The following PRKD1 variants were observed in gnomAD, a reference collection of about 807,000 sequenced individuals.
The protein encoded by PRKD1 is serine/threonine-protein kinase D1.
Under a neutral mutation model 95.9 loss-of-function variants are expected in PRKD1, and 63 were observed. The ratio of observed to expected loss-of-function variants is 0.66; its 90% CI spans 0.54 to 0.81. The LOEUF (loss-of-function observed/expected upper bound fraction) is 0.81. PRKD1 is among the 30% of genes least tolerant of loss of function. The pLI is 0.00. For synonymous variants in PRKD1, 425 were observed against 423.1 expected (o/e 1.00, Z -0.05); for missense variants, 1,048 against 1,165.3 (o/e 0.90, Z 1.47).
intron 1 of PRKD1, among the ~76,000 whole-genome samples, chr14:29,826,816 CATATATATATATATATATATAT>C (rs1173701577): frequency 3.2e-5 from 1 of 31,160 alleles, no homozygotes; most frequent in African/African-American, 1.4e-4. Flanking sequence ...TATATATACA[CATATATATATATATATATATAT>C]ACACACATAT....
At chr14:29,823,069 T>C (rs778431130) in intron 1 of PRKD1, among the ~76,000 whole-genome samples, 1 of 152,184 alleles carries the variant, frequency 6.6e-6, no homozygotes, top group Non-Finnish European at 1.5e-5. Context: ...TAAGTGACCT[T>C]AGACACGTTG....
At chr14:29,806,369 G>A (rs1890233888) in intron 1 of PRKD1, among the ~76,000 whole-genome samples, 2 of 152,060 alleles carry the variant, frequency 1.3e-5, no homozygotes, top group East Asian at 3.9e-4. Flanking sequence ...GAGAAGGAGG[G>A]TATGCTGTGA....
At chr14:29,780,982 C>G (rs1478350338) in intron 1 of PRKD1, among the ~76,000 whole-genome samples, 1 of 152,012 alleles carries the variant, frequency 6.6e-6, no homozygotes, top group East Asian at 1.9e-4. Flanking sequence ...AGTTCATGTC[C>G]TTTGTAGGGA....
chr14:29,593,547 A>G (rs940794597), intron 16 of PRKD1, among the ~76,000 whole-genome samples: 1 of 152,190 alleles, frequency 6.6e-6, no homozygotes, highest in African/African-American at 2.4e-5. Context: ...CAGAGACCCT[A>G]CAGCTATGGA....
intron 1 of PRKD1, among the ~76,000 whole-genome samples, 194 bp from the exon 2 acceptor site, chr14:29,725,868 C>T (rs1020072065): frequency 6.6e-6 from 1 of 152,006 alleles, no homozygotes. Context: ...GGAAAGAAAT[C>T]ACATAGATCA....
chr14:29,636,502 A>G lies in PRKD1; in HGVS notation c.986-8T>C. 1 of 1,613,930 alleles carries G rather than the reference A, an allele frequency of 6.2e-7. No homozygotes were observed. The highest frequency in any genetic ancestry group is 2.2e-5 in the East Asian group (1 of 44,862). ...CCCCAGGGCTAAGCAAATCTAGAAA[A>G]TTATTTTCACCCATGAAGATAAGCC... On this transcript the variant is annotated splice_polypyrimidine_tract_variant and splice_region_variant and intron_variant, in intron 6 of 17. Transcript: ENST00000331968.
chr14:29,711,131 C>T (rs1436084042), intron 2 of PRKD1, among the ~76,000 whole-genome samples: 1 of 151,994 alleles, frequency 6.6e-6, no homozygotes, highest in Admixed American at 6.6e-5. Context: ...CTATTTGACT[C>T]AACAGATAAA....
intron 1 of PRKD1, among the ~76,000 whole-genome samples, chr14:29,822,663 T>C (rs1268739544): frequency 6.6e-6 from 1 of 152,160 alleles, no homozygotes; most frequent in South Asian, 2.1e-4. Flanking sequence ...TTTAGGTACA[T>C]AGTATCTAGA....
chr14:29,848,520 C>T (rs1195645522), intron 1 of PRKD1, among the ~76,000 whole-genome samples: 1 of 151,768 alleles, frequency 6.6e-6, no homozygotes, highest in African/African-American at 2.4e-5. Context: ...TAAGTTGACA[C>T]CTCAGGTTGA....
At chr14:29,760,887 G>T (rs1887947351) in intron 1 of PRKD1, among the ~76,000 whole-genome samples, 1 of 152,090 alleles carries the variant, frequency 6.6e-6, no homozygotes, top group Admixed American at 6.5e-5. Flanking sequence ...TAATAGAATT[G>T]ATCATCTTAG....
At chr14:29,848,438 T>G (rs538944628) in intron 1 of PRKD1, among the ~76,000 whole-genome samples, 1 of 152,054 alleles carries the variant, frequency 6.6e-6, no homozygotes. Context: ...ACTAAAACAT[T>G]CAAAAGCAAC....
At chr14:29,634,834 C>T in intron 7 of PRKD1, among the ~76,000 whole-genome samples, 1 of 151,978 alleles carries the variant, frequency 6.6e-6, no homozygotes, top group Admixed American at 6.6e-5. Context: ...GAGTTCAAGA[C>T]CAGCCTGGCC....
At chr14:29,702,376 T>C (rs1884884671) in intron 2 of PRKD1, among the ~76,000 whole-genome samples, 1 of 152,108 alleles carries the variant, frequency 6.6e-6, no homozygotes, top group Non-Finnish European at 1.5e-5. Flanking sequence ...TTTAGTAATA[T>C]GATATTAGAC....
At chr14:29,915,843 G>T (rs557002279) in intron 1 of PRKD1, among the ~76,000 whole-genome samples, 1 of 152,168 alleles carries the variant, frequency 6.6e-6, no homozygotes, top group Non-Finnish European at 1.5e-5. Context: ...TCAAGCAAGC[G>T]AATAAAGTAT....
intron 1 of PRKD1, among the ~76,000 whole-genome samples, chr14:29,737,827 T>C: frequency 6.6e-6 from 1 of 152,232 alleles, no homozygotes; most frequent in East Asian, 1.9e-4. Context: ...AATCATAAAC[T>C]TGTATTATTA....
intron 2 of PRKD1, among the ~76,000 whole-genome samples, chr14:29,709,611 A>G (rs1468522121): frequency 6.6e-6 from 1 of 152,128 alleles, no homozygotes; most frequent in African/African-American, 2.4e-5. Context: ...AAACCCCAAG[A>G]TCTGCAGTTG....
At chr14:29,890,648 A>C (rs1172994874) in intron 1 of PRKD1, among the ~76,000 whole-genome samples, 1 of 152,166 alleles carries the variant, frequency 6.6e-6, no homozygotes, top group Non-Finnish European at 1.5e-5. Context: ...AAATAATTAA[A>C]GATAATACAT....
At chr14:29,861,604 T>C (rs1425245987) in intron 1 of PRKD1, among the ~76,000 whole-genome samples, 3 of 152,160 alleles carry the variant, frequency 2.0e-5, no homozygotes, top group Non-Finnish European at 4.4e-5. Flanking sequence ...TTATTGACTA[T>C]AGTCACCCTG....
At position 29,850,665 on chromosome 14, in the gene PRKD1, T is replaced by C. The variant is rs139610458; in HGVS notation, c.264+76584A>G. ...TGGCCATACTTCCCAAAGCAATCTA[T>C]AGATTCAACACCACTCCTATCAAAA... On this transcript the variant is annotated intron_variant, in intron 1 of 17. Transcript: ENST00000331968. Among the ~76,000 whole-genome samples the C allele has an allele frequency of 5.2e-3, 797 of 151,988 alleles. 2 individuals carry two copies. Among genetic ancestry groups the C allele is most frequent in the Admixed American group, 0.013 (195 of 15,252 alleles).
Sources: gnomAD v4.1 joint callset for allele counts (sites outside exome capture counted in the v4.1 genomes callset) on GRCh38, gnomAD v4.1.1 for gene constraint, MANE v1.5 for transcripts, NCBI Gene and HGNC (gene_info 2026-07-23, HGNC 2026-07-21) for gene names.